MGAT4A: variants seen among roughly 807,000 people sequenced by gnomAD.
MGAT4A encodes the protein N-acetylglucosaminyltransferase IVa.
MGAT4A carries 33 observed loss-of-function variants against 74.1 expected under a neutral mutation model. The observed-to-expected ratio is 0.45, with a 90% confidence interval of 0.34 to 0.60. MGAT4A has a LOEUF of 0.60. Ranked by LOEUF, MGAT4A falls within the 20% of genes least tolerant of loss-of-function variation. MGAT4A has a pLI of 0.02. For missense variants in MGAT4A, 479 were observed against 628.3 expected (o/e 0.76, Z 2.54); for synonymous variants, 198 against 210.4 (o/e 0.94, Z 0.51).
At position 98,625,180 on chromosome 2, in the gene MGAT4A, A is replaced by G; in HGVS notation, c.*386T>C. On this transcript the variant is annotated 3_prime_UTR_variant, in exon 16 of 16. Transcript: ENST00000393487. Reference sequence around the variant, plus strand: ...ATATATATAATCCCTGATAATCTATAAAAGAGGGTCTATAATAGTAAAATA... The same window carrying G: ...ATATATATAATCCCTGATAATCTATGAAAGAGGGTCTATAATAGTAAAATA... The G allele has an allele frequency of 1.2e-6, 1 of 818,560 alleles. No homozygotes were observed. The highest frequency in any genetic ancestry group is 1.5e-6 in the Non-Finnish European group (1 of 677,970). The allele number at this position is 818,560 out of a possible 1,614,324, so 50.7% of individuals were successfully genotyped here.
rs1701071045 is a variant in MGAT4A, at chr2:98,622,161, T to C, written c.*3405A>G. ...CTCACCCAAAATATTCATCATCATT[T>C]GCATTATGTTCTATTCCCATGTCTG... On this transcript the variant is annotated 3_prime_UTR_variant, in exon 16 of 16. Coordinates refer to ENST00000393487, the MANE Select transcript of MGAT4A (RefSeq NM_012214.3). 2.0e-6 allele frequency: 2 copies of C among 985,508 alleles called. No homozygotes were observed. The highest frequency in any genetic ancestry group is 2.4e-6 in the Non-Finnish European group (2 of 829,956). 61.0% of individuals were successfully genotyped at this position (985,508 alleles called of 1,614,324 possible).
intron 4 of MGAT4A, among the ~76,000 whole-genome samples, chr2:98,666,686 C>T (rs1394261431): frequency 2.7e-5 from 4 of 150,840 alleles, no homozygotes; most frequent in Non-Finnish European, 4.4e-5. Context: ...GAGCAAGACC[C>T]TGTCTCAAAA....
At chr2:98,659,329 C>T (rs766590075) in intron 5 of MGAT4A, among the ~76,000 whole-genome samples, 1 of 152,114 alleles carries the variant, frequency 6.6e-6, no homozygotes, top group Non-Finnish European at 1.5e-5. Flanking sequence ...TAATTATGAG[C>T]ATTATTTCTC....
At chr2:98,664,320 T>C (rs969169910) in intron 4 of MGAT4A, among the ~76,000 whole-genome samples, 2 of 152,038 alleles carry the variant, frequency 1.3e-5, no homozygotes, top group Non-Finnish European at 2.9e-5. Context: ...AATGCAAATT[T>C]GTTTCTACAT....
chr2:98,730,628 AC>A (rs1212247424), intron 1 of MGAT4A, among the ~76,000 whole-genome samples: 1 of 107,686 alleles, frequency 9.3e-6, no homozygotes, highest in African/African-American at 3.6e-5. Context: ...CCCCCTCCGC[AC>A]CCCCCGGATC....
chr2:98,720,764 G>A (rs1702657948), intron 2 of MGAT4A, among the ~76,000 whole-genome samples: 1 of 151,890 alleles, frequency 6.6e-6, no homozygotes, highest in Non-Finnish European at 1.5e-5. Flanking sequence ...GCTCAAGAGG[G>A]AGAAAAAAAT....
chr2:98,720,240 G>A (rs1017679201), intron 2 of MGAT4A, among the ~76,000 whole-genome samples: 2 of 152,244 alleles, frequency 1.3e-5, no homozygotes, highest in Non-Finnish European at 2.9e-5. Context: ...ATATGTCTGT[G>A]AAGGTATTTC....
intron 2 of MGAT4A, among the ~76,000 whole-genome samples, chr2:98,704,320 G>A (rs776207675): frequency 1.3e-4 from 20 of 152,206 alleles, no homozygotes; most frequent in Non-Finnish European, 2.6e-4. Context: ...GCCAAGGCAG[G>A]TGGATTGCTT....
At chr2:98,722,664 T>C (rs1702693517) in intron 2 of MGAT4A, among the ~76,000 whole-genome samples, 2 of 152,200 alleles carry the variant, frequency 1.3e-5, no homozygotes, top group Non-Finnish European at 2.9e-5. Context: ...ACCGACTGAT[T>C]GTACACTTTA....
At chr2:98,730,000 T>C (rs1339449572) in intron 1 of MGAT4A, among the ~76,000 whole-genome samples, 1 of 152,232 alleles carries the variant, frequency 6.6e-6, no homozygotes, top group Non-Finnish European at 1.5e-5. Flanking sequence ...GTTAAAGAAA[T>C]CTATGTCAAG....
At chr2:98,644,830 C>T (rs577235440) in intron 9 of MGAT4A, among the ~76,000 whole-genome samples, 24 of 152,218 alleles carry the variant, frequency 1.6e-4, no homozygotes, top group African/African-American at 5.1e-4. Flanking sequence ...GACAGGGTTT[C>T]ACCATGTTGG....
At chr2:98,645,395 A>G (rs1701469619) in intron 9 of MGAT4A, 33 bp downstream of exon 9, 2 of 1,426,664 alleles carry the variant, frequency 1.4e-6, no homozygotes, top group African/African-American at 2.9e-5. Flanking sequence ...ACAGTTATTT[A>G]TGAAAAGTAG....
chr2:98,644,176 A>C (rs947945621), intron 9 of MGAT4A, 123 bp from the exon 10 acceptor site: 6 of 1,015,710 alleles, frequency 5.9e-6, no homozygotes, highest in Admixed American at 2.8e-5. Context: ...AATCATCATA[A>C]ACAATTTCCC....
At chr2:98,699,072 G>T (rs887489773) in intron 2 of MGAT4A, among the ~76,000 whole-genome samples, 6 of 152,176 alleles carry the variant, frequency 3.9e-5, no homozygotes, top group African/African-American at 1.4e-4. Flanking sequence ...TGCAGCACAG[G>T]GAAAAGACAC....
chr2:98,653,744 T>TA (rs1701616537), intron 8 of MGAT4A, among the ~76,000 whole-genome samples: 1 of 152,116 alleles, frequency 6.6e-6, no homozygotes, highest in South Asian at 2.1e-4. Context: ...GCTGAACACT[T>TA]AAAGAATTAA....
chr2:98,679,942 C>T (rs1004518713), intron 2 of MGAT4A, among the ~76,000 whole-genome samples: 1 of 152,054 alleles, frequency 6.6e-6, no homozygotes, highest in Non-Finnish European at 1.5e-5. Flanking sequence ...TGCACAATGT[C>T]CACAACCTCA....
At chr2:98,712,894 G>A (rs79407520) in intron 2 of MGAT4A, among the ~76,000 whole-genome samples, 3 of 152,200 alleles carry the variant, frequency 2.0e-5, no homozygotes, top group Non-Finnish European at 4.4e-5. Context: ...AGGCACAGTG[G>A]CTCATGCCTG....
In MGAT4A at chr2:98,622,851, G is replaced by A. The variant is rs1701081192; in HGVS notation, c.*2715C>T. The A allele has an allele frequency of 3.0e-6, 3 of 985,472 alleles. No homozygotes were observed. Among genetic ancestry groups the A allele is most frequent in the South Asian group, 9.4e-5 (2 of 21,292 alleles). 61.0% of individuals were successfully genotyped at this position (985,472 alleles called of 1,614,324 possible). On this transcript the variant is annotated 3_prime_UTR_variant, in exon 16 of 16. Coordinates refer to ENST00000393487, the MANE Select transcript of MGAT4A (RefSeq NM_012214.3). Reference sequence around the variant, plus strand: ...AGTATGGCAACGACAGCAGGGAGAGGGAGTTAAGAGAGAGAAAGGGGGCTG... The same window carrying A: ...AGTATGGCAACGACAGCAGGGAGAGAGAGTTAAGAGAGAGAAAGGGGGCTG...
intron 8 of MGAT4A, among the ~76,000 whole-genome samples, chr2:98,646,341 C>T (rs1424670746): frequency 6.6e-6 from 1 of 152,102 alleles, no homozygotes; most frequent in East Asian, 1.9e-4. Flanking sequence ...AGGAATAGCA[C>T]TCCTCAATGA....
Sources: gnomAD v4.1 joint callset for allele counts (sites outside exome capture counted in the v4.1 genomes callset) on GRCh38, gnomAD v4.1.1 for gene constraint, MANE v1.5 for transcripts, NCBI Gene and HGNC (gene_info 2026-07-23, HGNC 2026-07-21) for gene names.